HMCN1: variants seen among roughly 807,000 people sequenced by gnomAD.
HMCN1 encodes the protein hemicentin 1.
HMCN1 carries 321 observed loss-of-function variants against 625.9 expected under a neutral mutation model. The ratio of observed to expected loss-of-function variants is 0.51; its 90% CI spans 0.47 to 0.56. The LOEUF (loss-of-function observed/expected upper bound fraction) is 0.56. Among genes scored for constraint, HMCN1 ranks in the 20% least tolerant of loss-of-function variants. The probability of loss-of-function intolerance (pLI) is 0.00; values close to 1 mark genes in which losing one functional copy is unlikely to be tolerated. For synonymous variants in HMCN1, 2,425 were observed against 2,417.6 expected, an observed-to-expected ratio of 1.00 and a Z score of -0.09; for missense variants, 6,588 against 6,887.3, an observed-to-expected ratio of 0.96 and a Z score of 1.54.
At chr1:185,901,033 T>C (rs1323818256) in intron 4 of HMCN1, among the ~76,000 whole-genome samples, 3 of 151,932 alleles carry the variant, frequency 2.0e-5, no homozygotes, top group South Asian at 2.1e-4. Flanking sequence ...AGCACTTCTA[T>C]TGGGAAATTA....
chr1:186,121,494 T>C (rs766076202), intron 80 of HMCN1, among the ~76,000 whole-genome samples: 1 of 152,096 alleles, frequency 6.6e-6, no homozygotes, highest in Non-Finnish European at 1.5e-5. Flanking sequence ...TTCTGATGAA[T>C]TGGTAGGTTA....
chr1:185,766,612 C>T (rs760115057), intron 1 of HMCN1, among the ~76,000 whole-genome samples: 25 of 152,062 alleles, frequency 1.6e-4, no homozygotes, highest in Non-Finnish European at 3.2e-4. Context: ...CTCAAGGACT[C>T]ATTGCTTAAA....
chr1:186,084,769 C>T (rs1243858844), intron 57 of HMCN1, among the ~76,000 whole-genome samples: 1 of 152,004 alleles, frequency 6.6e-6, no homozygotes, highest in Non-Finnish European at 1.5e-5. Flanking sequence ...GGACAACAAA[C>T]TGACTGCTTG....
intron 6 of HMCN1, among the ~76,000 whole-genome samples, chr1:185,921,793 G>C (rs1667020294): frequency 1.3e-5 from 2 of 152,164 alleles, no homozygotes; most frequent in South Asian, 2.1e-4. Context: ...AGACTGCCCT[G>C]ACCTAATATT....
At position 185,977,863 on chromosome 1, in the gene HMCN1, T is replaced by G; in HGVS notation, c.2448T>G (p.Val816=). Residue 816 remains valine (V), a synonymous_variant, in exon 16 of 107, where the codon GTT becomes GTG. Transcript: ENST00000271588. ...IGSNVTLPCY[V]QGYPEPTIKW... ...CAAATGTGACATTACCTTGTTATGTTCAGGGTTATCCAGAACCAACAATCA... is the reference window on the plus strand; with the variant it reads ...CAAATGTGACATTACCTTGTTATGTGCAGGGTTATCCAGAACCAACAATCA... 1 of 1,612,948 alleles carries G rather than the reference T, an allele frequency of 6.2e-7. No individual in the cohort carries two copies.
At chr1:186,085,386 G>A (rs1366171967) in intron 57 of HMCN1, among the ~76,000 whole-genome samples, 1 of 152,142 alleles carries the variant, frequency 6.6e-6, no homozygotes, top group Non-Finnish European at 1.5e-5. Flanking sequence ...CACCTGCTTT[G>A]TCTTCATATG....
chr1:185,963,619 T>C, intron 12 of HMCN1, 149 bp from the exon 13 acceptor site: 1 of 624,612 alleles, frequency 1.6e-6, no homozygotes, highest in Non-Finnish European at 2.8e-6. Context: ...TTTCTGCTTA[T>C]AAAATAATGA....
At chr1:185,988,754 TTGG>T (rs1652175963) in intron 20 of HMCN1, among the ~76,000 whole-genome samples, 1 of 152,192 alleles carries the variant, frequency 6.6e-6, no homozygotes, top group Non-Finnish European at 1.5e-5. Flanking sequence ...CTTTGTGATC[TTGG>T]GCAAATTACT....
At chr1:186,179,740 C>T (rs1350052002) in intron 104 of HMCN1, among the ~76,000 whole-genome samples, 1 of 151,226 alleles carries the variant, frequency 6.6e-6, no homozygotes, top group Non-Finnish European at 1.5e-5. Flanking sequence ...ATTTTTTAAA[C>T]ATTTCTTCTC....
At chr1:185,871,577 A>G in intron 4 of HMCN1, among the ~76,000 whole-genome samples, 1 of 152,208 alleles carries the variant, frequency 6.6e-6, no homozygotes, top group Non-Finnish European at 1.5e-5. Flanking sequence ...TAGGCAGAGG[A>G]AAGTTGAGCT....
chr1:185,833,245 A>G (rs1162835444), intron 1 of HMCN1, among the ~76,000 whole-genome samples: 2 of 152,210 alleles, frequency 1.3e-5, no homozygotes, highest in African/African-American at 2.4e-5. Flanking sequence ...TTCCTCCACC[A>G]GAAAAATACC....
intron 6 of HMCN1, among the ~76,000 whole-genome samples, chr1:185,914,623 G>A (rs1456706377): frequency 2.0e-5 from 3 of 151,518 alleles, no homozygotes; most frequent in Non-Finnish European, 4.4e-5. Flanking sequence ...CTTTCAAGCT[G>A]TTCCTTCCCC....
In HMCN1 at chr1:185,734,994, A is replaced by G; in HGVS notation, c.215A>G (p.Lys72Arg). The G allele has an allele frequency of 6.2e-7, 1 of 1,614,152 alleles. No homozygotes were observed. The highest frequency in any genetic ancestry group is 8.5e-7 in the Non-Finnish European group (1 of 1,180,014). The change falls in exon 1 of 107, where the codon AAA (lysine) becomes AGA (arginine). Residue 72 changes from lysine (K) to arginine (R), a missense_variant. Lys to Arg is a conservative substitution (Grantham distance 26). Coordinates refer to ENST00000271588, the MANE Select transcript of HMCN1 (RefSeq NM_031935.3). ...TCCAAAATTTTGGAGACGTCTTTGAAAAGACCTAAAAGACCTCTTTTCAAC... is the reference window on the plus strand; with the variant it reads ...TCCAAAATTTTGGAGACGTCTTTGAGAAGACCTAAAAGACCTCTTTTCAAC... ...GASKILETSLKRPKRPLFNFA... is the reference protein window; with the variant it reads ...GASKILETSLRRPKRPLFNFA...
chr1:186,159,003 T>A (rs956691105), intron 97 of HMCN1, among the ~76,000 whole-genome samples: 1 of 152,206 alleles, frequency 6.6e-6, no homozygotes, highest in Non-Finnish European at 1.5e-5. Flanking sequence ...TGGCATCGAA[T>A]CTATAAATTA....
rs562616781 is a variant in HMCN1 at position 185,916,403 on chromosome 1, A to G, written c.900+4623A>G. Among the ~76,000 whole-genome samples the G allele has an allele frequency of 5.3e-5, 8 of 152,238 alleles. No individual in the cohort carries two copies. In the South Asian group the frequency reaches 1.7e-3, roughly 32 times the overall value. ...CTAAGTCTGAGGAAAGTGGGGGAAA[A>G]TAGTGGCTACCCAATATTGTCATGG... On this transcript the variant is annotated intron_variant, in intron 6 of 106. Coordinates refer to ENST00000271588, the MANE Select transcript of HMCN1 (RefSeq NM_031935.3).
intron 1 of HMCN1, among the ~76,000 whole-genome samples, chr1:185,830,653 A>T (rs1660801518): frequency 6.6e-6 from 1 of 152,020 alleles, no homozygotes; most frequent in African/African-American, 2.4e-5. Context: ...GCACTTTGGG[A>T]GGCTGGGCAG....
At chr1:186,159,160 T>C (rs568407411) in intron 97 of HMCN1, among the ~76,000 whole-genome samples, 9 of 151,908 alleles carry the variant, frequency 5.9e-5, no homozygotes, top group African/African-American at 2.2e-4. Context: ...CCTTGTAAGT[T>C]GGATTCCTAG....
chr1:186,086,079 C>T (rs549284187), intron 57 of HMCN1, among the ~76,000 whole-genome samples, 167 bp from the exon 58 acceptor site: 101 of 152,202 alleles, frequency 6.6e-4, no homozygotes, highest in South Asian at 3.1e-3. Context: ...TAAACTCCAA[C>T]GTGAGTTTGA....
rs940679301 is a variant in HMCN1, at chr1:185,909,901, C to T, written c.793+393C>T. 2.6e-5 allele frequency among the ~76,000 whole-genome samples: 4 copies of T among 151,956 alleles called. No homozygotes were observed. The East Asian group carries it at 5.8e-4, about 22-fold the overall frequency. Reference sequence around the variant, plus strand: ...AGTAACTCTTAAAATAACTAATTTTCCACTCTATCATTTTCTTGATAAATT... The same window carrying T: ...AGTAACTCTTAAAATAACTAATTTTTCACTCTATCATTTTCTTGATAAATT... On this transcript the variant is annotated intron_variant, in intron 5 of 106. Transcript: ENST00000271588.
Sources: allele counts gnomAD v4.1 joint callset (sites outside exome capture counted in the v4.1 genomes callset), GRCh38; gene constraint gnomAD v4.1.1; transcripts MANE v1.5; gene names NCBI Gene and HGNC (gene_info 2026-07-23, HGNC 2026-07-21).